ADAM9: variants seen among roughly 807,000 people sequenced by gnomAD.
ADAM9 encodes the protein ADAM metallopeptidase domain 9.
Under a neutral mutation model 108.1 loss-of-function variants are expected in ADAM9, and 54 were observed. The ratio of observed to expected loss-of-function variants is 0.50; its 90% confidence interval spans 0.40 to 0.63. The LOEUF is 0.63. Ranked by LOEUF, ADAM9 falls within the 20% of genes least tolerant of loss-of-function variation. ADAM9 has a pLI of 0.00. For missense variants in ADAM9, 830 were observed against 997.7 expected (o/e 0.83, Z 2.26); for synonymous variants, 316 against 336.0 (o/e 0.94, Z 0.65).
At chr8:39,089,440 A>G (rs1378424708) in intron 18 of ADAM9, among the ~76,000 whole-genome samples, 3 of 152,210 alleles carry the variant, frequency 2.0e-5, no homozygotes, top group Non-Finnish European at 4.4e-5. Context: ...TTGAAAGACA[A>G]TTTGACAATA....
rs965736269 is a variant in ADAM9 at position 39,101,984 on chromosome 8, T to C, written c.2366+54T>C. 8.8e-6 allele frequency: 12 copies of C among 1,365,014 alleles called. No individual in the cohort carries two copies. The African/African-American group carries it at 1.4e-4, about 16-fold the overall frequency. The allele number at this position is 1,365,014 out of a possible 1,614,324, so 84.6% of individuals were successfully genotyped here. On this transcript the variant is annotated intron_variant, in intron 21 of 21. Coordinates refer to ENST00000487273, the MANE Select transcript of ADAM9 (RefSeq NM_003816.3). ...GGCCAGAATAAAACCTAGGGGTTAA[T>C]GTCTAATAATTTCCCCTGTATTTTA... is the stretch of plus-strand genomic sequence containing the variant.
intron 4 of ADAM9, 130 bp downstream of exon 4, chr8:39,014,173 G>T (rs757543626): frequency 4.7e-5 from 35 of 747,762 alleles, no homozygotes; most frequent in Non-Finnish European, 7.8e-5. Context: ...TATAACATAT[G>T]GGTTATCTTG....
At chr8:39,052,880 G>A (rs1391282990) in intron 12 of ADAM9, among the ~76,000 whole-genome samples, 9 of 152,164 alleles carry the variant, frequency 5.9e-5, no homozygotes, top group Admixed American at 5.9e-4. Context: ...TTAGATGGTA[G>A]AGGTATTTAA....
Position 39,101,865 on chromosome 8 carries a change from T to C in ADAM9, c.2301T>C (p.Pro767=), listed in dbSNP as rs781734098. 2.6e-5 allele frequency: 42 copies of C among 1,612,094 alleles called. No individual in the cohort carries two copies. The highest frequency in any genetic ancestry group is 3.5e-5 in the Non-Finnish European group (41 of 1,178,286). Residue 767 remains proline (P), a splice_region_variant and synonymous_variant, in exon 21 of 22, where the codon CCT becomes CCC. Transcript: ENST00000487273. ...CCTTATTTTTTTTTTCTTTTTAGCCTATATATGCAAACAGATTTGCAGTAC... is the reference window on the plus strand; with the variant it reads ...CCTTATTTTTTTTTTCTTTTTAGCCCATATATGCAAACAGATTTGCAGTAC... ...VSPVTPPREV[P]IYANRFAVPT...
chr8:39,025,716 C>A, intron 9 of ADAM9, 87 bp from the exon 10 acceptor site: 1 of 1,297,990 alleles, frequency 7.7e-7, no homozygotes, highest in African/African-American at 1.5e-5. Context: ...TAGGTTCTCC[C>A]AATCCAGTTG....
intron 1 of ADAM9, among the ~76,000 whole-genome samples, chr8:38,998,838 A>G (rs1186593221): frequency 6.6e-6 from 1 of 152,132 alleles, no homozygotes; most frequent in Non-Finnish European, 1.5e-5. Flanking sequence ...TGCAGACTAT[A>G]AAAGGGAGGG....
At chr8:39,015,997 A>C in intron 4 of ADAM9, 121 bp from the exon 5 acceptor site, 1 of 896,776 alleles carries the variant, frequency 1.1e-6, no homozygotes, top group Non-Finnish European at 1.8e-6. Flanking sequence ...CAATAATATA[A>C]ATAAAACTTT....
At chr8:39,006,807 G>T (rs1016135564) in intron 1 of ADAM9, among the ~76,000 whole-genome samples, 2 of 152,108 alleles carry the variant, frequency 1.3e-5, no homozygotes, top group African/African-American at 4.8e-5. Flanking sequence ...GAGTTAGTCT[G>T]CATGACTTTC....
In ADAM9 at chr8:39,014,068, A is replaced by C. The variant is rs561769853; in HGVS notation, c.333+25A>C. On this transcript the variant is annotated intron_variant, in intron 4 of 21. Coordinates refer to ENST00000487273, the MANE Select transcript of ADAM9 (RefSeq NM_003816.3). ...GGTAATGTATTTTTCTCTTGATCCCATAGCAAATTTTAAAACAATTATAAT... is the reference window on the plus strand; with the variant it reads ...GGTAATGTATTTTTCTCTTGATCCCCTAGCAAATTTTAAAACAATTATAAT... 2.0e-5 allele frequency: 31 copies of C among 1,581,962 alleles called. No homozygotes were observed. In the South Asian group the frequency reaches 3.2e-4, roughly 16 times the overall value.
At chr8:39,081,813 A>G (rs184100333) in intron 16 of ADAM9, among the ~76,000 whole-genome samples, 240 of 152,298 alleles carry the variant, frequency 1.6e-3, no homozygotes, top group African/African-American at 5.3e-3. Context: ...ACACAAGATC[A>G]GTTGGTTAGT....
intron 18 of ADAM9, among the ~76,000 whole-genome samples, chr8:39,085,005 T>C (rs561490525): frequency 3.3e-5 from 5 of 152,286 alleles, no homozygotes; most frequent in Non-Finnish European, 7.4e-5. Context: ...ATATAGCTAC[T>C]CCAGATTCCT....
intron 12 of ADAM9, among the ~76,000 whole-genome samples, chr8:39,048,814 C>G (rs144649869): frequency 8.2e-4 from 125 of 151,820 alleles, no homozygotes; most frequent in African/African-American, 2.9e-3. Flanking sequence ...TTACTTTTAT[C>G]ATTATAAAAT....
At chr8:39,082,457 G>T (rs898288018) in intron 16 of ADAM9, among the ~76,000 whole-genome samples, 184 bp from the exon 17 acceptor site, 1 of 151,860 alleles carries the variant, frequency 6.6e-6, no homozygotes, top group Admixed American at 6.6e-5. Flanking sequence ...AATTAATTTT[G>T]TATCAATTAA....
intron 7 of ADAM9, among the ~76,000 whole-genome samples, chr8:39,019,176 C>T (rs1836651548): frequency 6.6e-6 from 1 of 151,714 alleles, no homozygotes; most frequent in Non-Finnish European, 1.5e-5. Flanking sequence ...CTTGCTTATG[C>T]TGAATTTTTT....
rs1314023444 is a variant in ADAM9, at chr8:39,045,437, C to T, written c.1302+3320C>T. On this transcript the variant is annotated intron_variant, in intron 12 of 21. Coordinates refer to ENST00000487273, the MANE Select transcript of ADAM9 (RefSeq NM_003816.3). ...GCGTGTGTACACACACCTATATGTGCGCGTGTGTACACACACCTATATGTG... is the reference window on the plus strand; with the variant it reads ...GCGTGTGTACACACACCTATATGTGTGCGTGTGTACACACACCTATATGTG... 1.9e-5 allele frequency among the ~76,000 whole-genome samples: 2 copies of T among 104,114 alleles called. 1 individual carries two copies. The highest frequency in any genetic ancestry group is 7.5e-5 in the African/African-American group (2 of 26,492). 68.3% of individuals were successfully genotyped at this position (104,114 alleles called of 152,430 possible). A position where few individuals can be genotyped will look rare whatever the true frequency, so the allele number is the denominator to read the frequency against.
intron 14 of ADAM9, among the ~76,000 whole-genome samples, chr8:39,063,465 G>A (rs184285912): frequency 6.6e-6 from 1 of 152,220 alleles, no homozygotes; most frequent in Non-Finnish European, 1.5e-5. Flanking sequence ...CCAGGCGCCT[G>A]TAATCCCAGC....
At chr8:39,051,319 T>G (rs1837951998) in intron 12 of ADAM9, among the ~76,000 whole-genome samples, 1 of 152,162 alleles carries the variant, frequency 6.6e-6, no homozygotes. Context: ...CGAGAAAGGA[T>G]CTCCAGTTTT....
intron 11 of ADAM9, among the ~76,000 whole-genome samples, chr8:39,032,672 T>G (rs1015197714): frequency 6.6e-6 from 1 of 152,226 alleles, no homozygotes; most frequent in African/African-American, 2.4e-5. Context: ...CTCTGTGGAC[T>G]ACACCCACTG....
intron 20 of ADAM9, among the ~76,000 whole-genome samples, chr8:39,096,064 A>G (rs1350774640): frequency 2.3e-5 from 3 of 127,956 alleles, no homozygotes; most frequent in Non-Finnish European, 5.2e-5. Flanking sequence ...ATTCTTTTGT[A>G]TTTCTTTTTA....
Sources: gnomAD v4.1 joint callset for allele counts (sites outside exome capture counted in the v4.1 genomes callset) on GRCh38, gnomAD v4.1.1 for gene constraint, MANE v1.5 for transcripts, NCBI Gene and HGNC (gene_info 2026-07-23, HGNC 2026-07-21) for gene names.